The following ANKS1B variants were observed in gnomAD, a reference collection of about 807,000 sequenced individuals.
ANKS1B encodes the protein ankyrin repeat and sterile alpha motif domain-containing protein 1B.
In ANKS1B, 36 loss-of-function variants were observed where a neutral mutation model predicts 148.3. That is an observed-to-expected ratio of 0.24 (90% CI 0.19 to 0.32). ANKS1B has a LOEUF of 0.32. ANKS1B is among the 10% of genes least tolerant of loss of function. The pLI is 1.00. For missense variants in ANKS1B, 1,157 were observed against 1,542.6 expected (o/e 0.75, Z 4.19); for synonymous variants, 542 against 560.8 (o/e 0.97, Z 0.47).
At chr12:99,270,284 A>C (rs2153987736) in intron 12 of ANKS1B, among the ~76,000 whole-genome samples, 1 of 152,188 alleles carries the variant, frequency 6.6e-6, no homozygotes, top group Admixed American at 6.5e-5. Flanking sequence ...TCCTTTTCTC[A>C]TTATGAGAGC....
intron 14 of ANKS1B, among the ~76,000 whole-genome samples, chr12:99,231,728 A>G (rs962263386): frequency 8.5e-5 from 13 of 152,056 alleles, no homozygotes; most frequent in African/African-American, 2.4e-4. Context: ...TGCACTGGTG[A>G]CAAAGTACCT....
At chr12:99,318,347 G>T (rs781108585) in intron 12 of ANKS1B, among the ~76,000 whole-genome samples, 1 of 152,222 alleles carries the variant, frequency 6.6e-6, no homozygotes, top group African/African-American at 2.4e-5. Flanking sequence ...TTCAAAGCCT[G>T]TAATTGGTCT....
intron 9 of ANKS1B, among the ~76,000 whole-genome samples, chr12:99,557,638 T>C (rs2097291244): frequency 6.6e-6 from 1 of 152,216 alleles, no homozygotes; most frequent in Admixed American, 6.5e-5. Context: ...TTTGCTCCTA[T>C]TCATATTCTG....
intron 10 of ANKS1B, among the ~76,000 whole-genome samples, chr12:99,457,912 T>G (rs2095873718): frequency 6.6e-6 from 1 of 151,996 alleles, no homozygotes; most frequent in African/African-American, 2.4e-5. Context: ...ACAAATGGAC[T>G]AAACGGATAT....
intron 16 of ANKS1B, among the ~76,000 whole-genome samples, chr12:99,075,765 ATATC>A (rs1175466189): frequency 6.7e-6 from 1 of 149,112 alleles, no homozygotes; most frequent in Non-Finnish European, 1.5e-5. Flanking sequence ...ATATAACATT[ATATC>A]TATTATTATA....
chr12:99,504,184 C>T (rs1595988406), intron 10 of ANKS1B, among the ~76,000 whole-genome samples: 1 of 152,000 alleles, frequency 6.6e-6, no homozygotes, highest in Non-Finnish European at 1.5e-5. Context: ...CCTGAAGGAA[C>T]CAAAGCTGTG....
chr12:98,773,234 A>T, intron 24 of ANKS1B, 55 bp from the exon 25 acceptor site: 1 of 1,530,552 alleles, frequency 6.5e-7, no homozygotes, highest in Non-Finnish European at 8.8e-7. Context: ...AGCATATATG[A>T]CAACCAAGAC....
chr12:99,016,750 T>C (rs890116374), intron 17 of ANKS1B, among the ~76,000 whole-genome samples: 13 of 152,318 alleles, frequency 8.5e-5, no homozygotes, highest in South Asian at 4.1e-4. Flanking sequence ...AAATAATTTT[T>C]ATCTCAAATA....
chr12:99,690,497 G>C (rs1444363577), intron 8 of ANKS1B, among the ~76,000 whole-genome samples: 1 of 152,138 alleles, frequency 6.6e-6, no homozygotes, highest in Non-Finnish European at 1.5e-5. Flanking sequence ...GATACAATGA[G>C]GGCACACACA....
At chr12:99,540,045 C>T (rs2153117202) in intron 9 of ANKS1B, among the ~76,000 whole-genome samples, 1 of 151,408 alleles carries the variant, frequency 6.6e-6, no homozygotes, top group African/African-American at 2.4e-5. Flanking sequence ...GACTTTGAGA[C>T]AAAACTTGTC....
At chr12:99,135,082 C>T (rs761407109) in intron 15 of ANKS1B, among the ~76,000 whole-genome samples, 1 of 152,026 alleles carries the variant, frequency 6.6e-6, no homozygotes, top group Non-Finnish European at 1.5e-5. Context: ...GTGTTTCTAA[C>T]AGGTTCAAAA....
At chr12:99,867,893 G>A (rs755100191) in intron 1 of ANKS1B, among the ~76,000 whole-genome samples, 8 of 152,088 alleles carry the variant, frequency 5.3e-5, no homozygotes, top group Non-Finnish European at 1.0e-4. Flanking sequence ...AATCCTAATC[G>A]TGAACATGAG....
intron 17 of ANKS1B, among the ~76,000 whole-genome samples, chr12:98,866,136 C>T (rs992159539): frequency 6.6e-6 from 1 of 152,102 alleles, no homozygotes; most frequent in Non-Finnish European, 1.5e-5. Context: ...TGGGGAGACA[C>T]AAACGTTCAT....
chr12:98,951,649 T>C (rs991717761), intron 17 of ANKS1B, among the ~76,000 whole-genome samples: 2 of 152,118 alleles, frequency 1.3e-5, no homozygotes, highest in Non-Finnish European at 2.9e-5. Context: ...CTCCTCGCCA[T>C]TGCCCAAGCC....
intron 25 of ANKS1B, among the ~76,000 whole-genome samples, chr12:98,757,267 G>A (rs1255472981): frequency 1.3e-5 from 2 of 152,170 alleles, no homozygotes; most frequent in African/African-American, 2.4e-5. Flanking sequence ...CAGTCGGGCT[G>A]CCCCAGCATC....
chr12:99,031,409 C>T (rs2099952052), intron 17 of ANKS1B, among the ~76,000 whole-genome samples: 2 of 152,158 alleles, frequency 1.3e-5, no homozygotes, highest in Admixed American at 6.5e-5. Flanking sequence ...CAGTAAAATC[C>T]ATTCCAATTT....
intron 15 of ANKS1B, among the ~76,000 whole-genome samples, chr12:99,127,274 C>T (rs1354271019): frequency 1.3e-5 from 2 of 152,110 alleles, no homozygotes; most frequent in Non-Finnish European, 2.9e-5. Flanking sequence ...GGCAACTGGA[C>T]TCTCAAAGTA....
chr12:99,857,667 T>A (rs558170223), intron 1 of ANKS1B, among the ~76,000 whole-genome samples: 1 of 152,038 alleles, frequency 6.6e-6, no homozygotes, highest in Non-Finnish European at 1.5e-5. Context: ...CAAAACAACA[T>A]AGTACTGGTA....
At chr12:98,766,072 G>A (rs2098476994) in intron 25 of ANKS1B, among the ~76,000 whole-genome samples, 1 of 152,212 alleles carries the variant, frequency 6.6e-6, no homozygotes, top group Admixed American at 6.5e-5. Context: ...ATTTCAGAAT[G>A]TCTGGTTTCT....
Sources: gnomAD v4.1 joint callset for allele counts (sites outside exome capture counted in the v4.1 genomes callset) on GRCh38, gnomAD v4.1.1 for gene constraint, MANE v1.5 for transcripts, NCBI Gene and HGNC (gene_info 2026-07-23, HGNC 2026-07-21) for gene names.